Variants in HDAC8 observed in about 807,000 individuals in gnomAD.
The protein encoded by HDAC8 is histone deacetylase-like 1.
A neutral mutation model predicts 32.2 loss-of-function variants in HDAC8; 1 was observed. The ratio of observed to expected loss-of-function variants is 0.03; its 90% CI spans 0.01 to 0.15. HDAC8 has a LOEUF of 0.15. Ranked by LOEUF, HDAC8 falls within the 10% of genes least tolerant of loss-of-function variation. HDAC8 has a pLI of 1.00. For missense variants in HDAC8, 117 were observed against 300.0 expected (o/e 0.39, Z 4.51); for synonymous variants, 108 against 113.9 (o/e 0.95, Z 0.33).
intron 4 of HDAC8, among the ~76,000 whole-genome samples, chrX:72,563,190 C>CT (rs1556125275): frequency 9.0e-6 from 1 of 111,652 alleles, no homozygotes; most frequent in African/African-American, 3.3e-5. Context: ...CCAAGACCTG[C>CT]TTTTTTATTG....
chrX:72,452,561 G>A (rs1448482635), intron 9 of HDAC8, among the ~76,000 whole-genome samples: 4 of 111,899 alleles, frequency 3.6e-5, no homozygotes, highest in Non-Finnish European at 7.5e-5. Flanking sequence ...TGGGGTAACA[G>A]TATAGGCTTC....
intron 9 of HDAC8, among the ~76,000 whole-genome samples, chrX:72,441,705 G>C (rs2047154062): frequency 8.9e-6 from 1 of 112,341 alleles, no homozygotes. Context: ...GAAGAGTTGA[G>C]AGAAGAAGGC....
At chrX:72,387,593 C>G (rs1002660131) in intron 9 of HDAC8, among the ~76,000 whole-genome samples, 1 of 111,785 alleles carries the variant, frequency 8.9e-6, no homozygotes, top group Admixed American at 9.5e-5. Context: ...AGCCCTGCCA[C>G]TTACTAATTC....
At chrX:72,474,509 C>A in intron 7 of HDAC8, 1 of 1,076,612 alleles carries the variant, frequency 9.3e-7, no homozygotes, top group Non-Finnish European at 1.2e-6. Flanking sequence ...AGTATAAAAT[C>A]TCTTATCCAG....
intron 9 of HDAC8, among the ~76,000 whole-genome samples, chrX:72,446,907 G>A (rs1231368332): frequency 8.9e-6 from 1 of 111,860 alleles, no homozygotes; most frequent in Admixed American, 9.5e-5. Context: ...TCGAATCCCT[G>A]AATAGACCAA....
At chrX:72,494,183 TTC>T (rs1394837673) in intron 5 of HDAC8, among the ~76,000 whole-genome samples, 1 of 111,587 alleles carries the variant, frequency 9.0e-6, no homozygotes, top group African/African-American at 3.3e-5. Context: ...TTAACCTCTC[TTC>T]TCTCTGTTAC....
chrX:72,560,301 T>C (rs2051498062), intron 4 of HDAC8, among the ~76,000 whole-genome samples: 1 of 110,701 alleles, frequency 9.0e-6, no homozygotes, highest in African/African-American at 3.3e-5. Context: ...CTGTGTCCAC[T>C]CAGGGTTAAA....
At chrX:72,392,542 C>T (rs1602670349) in intron 9 of HDAC8, among the ~76,000 whole-genome samples, 2 of 112,083 alleles carry the variant, frequency 1.8e-5, no homozygotes, top group Admixed American at 1.9e-4. Context: ...ACCCTGTATT[C>T]AGAGTCGACA....
In HDAC8 at chrX:72,568,851, C is replaced by A. The variant is rs373199509; in HGVS notation, c.198G>T (p.Glu66Asp). 1.5e-5 allele frequency: 18 copies of A among 1,209,157 alleles called. No individual in the cohort carries two copies. Among genetic ancestry groups the A allele is most frequent in the Non-Finnish European group, 1.9e-5 (17 of 894,686 alleles). Residue 66 changes from glutamate (E) to aspartate (D), a missense_variant, in exon 3 of 11, where the codon GAG becomes GAT. Coordinates refer to ENST00000373573, the MANE Select transcript of HDAC8 (RefSeq NM_018486.3). ...AAGCATCAGTGTGGAAGGTGGCCAT[C>A]TCCTCCATGGAGGCCACTTTAGGCT... ...IVKPKVASME[E>D]MATFHTDAYL...
chrX:72,483,289 G>A (rs1238122693), intron 7 of HDAC8, among the ~76,000 whole-genome samples: 2 of 111,674 alleles, frequency 1.8e-5, no homozygotes, highest in Non-Finnish European at 1.9e-5. Flanking sequence ...GAGGTAGGGC[G>A]TGGTGGAAGG....
intron 4 of HDAC8, among the ~76,000 whole-genome samples, chrX:72,526,510 C>T (rs1556032310): frequency 1.8e-5 from 2 of 111,436 alleles, no homozygotes; most frequent in Admixed American, 1.9e-4. Context: ...TGGAAACTGT[C>T]TAATTCACCT....
intron 10 of HDAC8, among the ~76,000 whole-genome samples, chrX:72,336,147 A>G (rs186812587): frequency 1.8e-5 from 2 of 112,007 alleles, no homozygotes; most frequent in Admixed American, 9.5e-5. Flanking sequence ...CCTACCAGCA[A>G]TGAATGAGAG....
chrX:72,422,328 C>T (rs1191006437), intron 9 of HDAC8, among the ~76,000 whole-genome samples: 1 of 111,428 alleles, frequency 9.0e-6, no homozygotes, highest in Non-Finnish European at 1.9e-5. Flanking sequence ...TGGTGTCCCA[C>T]AGGTCCCTTA....
intron 4 of HDAC8, among the ~76,000 whole-genome samples, chrX:72,556,374 C>A (rs1325918397): frequency 8.9e-6 from 1 of 111,767 alleles, no homozygotes; most frequent in Admixed American, 9.5e-5. Context: ...CAGGCAACAA[C>A]TAGCATGATG....
intron 9 of HDAC8, among the ~76,000 whole-genome samples, chrX:72,403,468 T>C (rs782141185): frequency 3.6e-5 from 4 of 112,010 alleles, no homozygotes; most frequent in Non-Finnish European, 5.6e-5. Flanking sequence ...TATACATCTA[T>C]ATAGGTTATG....
intron 4 of HDAC8, among the ~76,000 whole-genome samples, chrX:72,522,509 C>T: frequency 8.9e-6 from 1 of 112,163 alleles, no homozygotes; most frequent in Admixed American, 9.4e-5. Flanking sequence ...TTTTAATCTT[C>T]ATCTTACTTG....
At chrX:72,483,470 C>T (rs192242530) in intron 7 of HDAC8, among the ~76,000 whole-genome samples, 52 of 111,610 alleles carry the variant, frequency 4.7e-4, no homozygotes, top group African/African-American at 1.5e-3. Context: ...CCTTTGCCCT[C>T]CATCACGACT....
chrX:72,561,833 G>GA (rs1556120734), intron 4 of HDAC8, among the ~76,000 whole-genome samples: 1 of 111,467 alleles, frequency 9.0e-6, no homozygotes, highest in Admixed American at 9.5e-5. Context: ...AAATCAGCAA[G>GA]AAAAAAGCAA....
intron 4 of HDAC8, among the ~76,000 whole-genome samples, chrX:72,529,494 A>G (rs1399888053): frequency 2.7e-5 from 3 of 111,861 alleles, no homozygotes; most frequent in East Asian, 5.6e-4. Flanking sequence ...AAAGGCAAGT[A>G]AACAGATTTT....
Sources: gnomAD v4.1 joint callset for allele counts (sites outside exome capture counted in the v4.1 genomes callset) on GRCh38, gnomAD v4.1.1 for gene constraint, MANE v1.5 for transcripts, NCBI Gene and HGNC (gene_info 2026-07-23, HGNC 2026-07-21) for gene names.